MEF2C: variants seen among roughly 807,000 people sequenced by gnomAD.
The protein encoded by MEF2C is myocyte enhancer factor 2C.
In MEF2C, 6 loss-of-function variants were observed where a neutral mutation model predicts 50.5. That is an observed-to-expected ratio of 0.12 (90% CI 0.07 to 0.23). The LOEUF (loss-of-function observed/expected upper bound fraction) is 0.23, where lower values mean the gene tolerates loss of function less well. MEF2C is among the 10% of genes least tolerant of loss of function. The pLI is 1.00. For missense variants in MEF2C, 276 were observed against 605.0 expected (o/e 0.46, Z 5.70); for synonymous variants, 183 against 228.0 (o/e 0.80, Z 1.78).
At chr5:88,743,056 C>T (rs1767595478) in intron 6 of MEF2C, 4 of 973,458 alleles carry the variant, frequency 4.1e-6, no homozygotes, top group South Asian at 4.8e-5. Flanking sequence ...TAATTCAGAA[C>T]AATTCAAACT....
chr5:88,736,710 T>C (rs1764277680), intron 6 of MEF2C: 1 of 985,260 alleles, frequency 1.0e-6, no homozygotes, highest in South Asian at 4.7e-5. Flanking sequence ...TCCATCATGT[T>C]CCTTTTTCAT....
intron 2 of MEF2C, among the ~76,000 whole-genome samples, chr5:88,820,545 T>C (rs1260878354): frequency 1.3e-5 from 2 of 152,048 alleles, no homozygotes; most frequent in Non-Finnish European, 2.9e-5. Flanking sequence ...AGTCAGTATT[T>C]CTTTTTCTGG....
chr5:88,854,191 T>C lies in MEF2C; in HGVS notation c.-143+28764A>G, dbSNP rs183308144. On this transcript the variant is annotated intron_variant, in intron 1 of 10. Coordinates refer to ENST00000504921, the MANE Select transcript of MEF2C (RefSeq NM_002397.5). ...TTCTAAATCTCAGTTTTCTTCTCTG[T>C]GAAATATGTATTAGGATACAATAAA... 7.4e-4 allele frequency among the ~76,000 whole-genome samples: 113 copies of C among 152,310 alleles called. 2 individuals are homozygous for C. The highest frequency in any genetic ancestry group is 6.5e-3 in the Admixed American group (99 of 15,298).
chr5:88,800,389 G>A (rs1797863914), intron 3 of MEF2C, among the ~76,000 whole-genome samples: 1 of 152,296 alleles, frequency 6.6e-6, no homozygotes, highest in African/African-American at 2.4e-5. Context: ...TTCCCAAGCT[G>A]ATTTTTTGCA....
At chr5:88,725,683 C>T (rs1758393105) in intron 10 of MEF2C, among the ~76,000 whole-genome samples, 1 of 152,072 alleles carries the variant, frequency 6.6e-6, no homozygotes, top group South Asian at 2.1e-4. Context: ...TACCCTTTCC[C>T]ATAATTGTTC....
At chr5:88,794,627 C>G (rs1453633850) in intron 3 of MEF2C, among the ~76,000 whole-genome samples, 2 of 152,144 alleles carry the variant, frequency 1.3e-5, no homozygotes, top group Admixed American at 6.5e-5. Context: ...TTCTGCTGTG[C>G]AGAAGCTCTT....
At chr5:88,760,864 G>A in intron 4 of MEF2C, 1 of 1,054,354 alleles carries the variant, frequency 9.5e-7, no homozygotes, top group Non-Finnish European at 1.4e-6. Context: ...GCTGCCCGTG[G>A]GATGAGATGG....
intron 6 of MEF2C, chr5:88,735,518 G>C (rs1028548421): frequency 1.3e-5 from 13 of 981,168 alleles, no homozygotes; most frequent in Non-Finnish European, 1.6e-5. Flanking sequence ...ACCAACTTTA[G>C]AGTCAGTTTG....
At chr5:88,739,307 G>A in intron 6 of MEF2C, 1 of 983,954 alleles carries the variant, frequency 1.0e-6, no homozygotes, top group Non-Finnish European at 1.2e-6. Context: ...TCAATTTGCT[G>A]CTTTTACTTC....
chr5:88,722,784 G>A lies in MEF2C; in HGVS notation c.1242C>T (p.His414=), dbSNP rs1403721275. The A allele has an allele frequency of 3.1e-6, 5 of 1,614,004 alleles. No individual in the cohort carries two copies. Among genetic ancestry groups the A allele is most frequent in the South Asian group, 1.1e-5 (1 of 91,084 alleles). The part of the protein sequence containing the change: ...TPSRYPQHTR[H]EAGRSPVDSL... ...TGTCAACAGGAGATCTCCCCGCCTC[G>A]TGGCGCGTGTGTTGTGGGTATCTCG... is the stretch of plus-strand genomic sequence containing the variant. Residue 414 remains histidine, a synonymous_variant, in exon 11 of 11, where the codon CAC becomes CAT. Transcript: ENST00000504921.
intron 2 of MEF2C, among the ~76,000 whole-genome samples, chr5:88,813,368 C>T (rs566130862): frequency 6.6e-6 from 1 of 152,194 alleles, no homozygotes; most frequent in East Asian, 1.9e-4. Context: ...GTATCATTTC[C>T]TACAGGGTAG....
chr5:88,853,695 T>C (rs1324688157), intron 1 of MEF2C, among the ~76,000 whole-genome samples: 1 of 152,236 alleles, frequency 6.6e-6, no homozygotes, highest in East Asian at 1.9e-4. Flanking sequence ...TTAGCTTTTA[T>C]TAGATGTCCA....
chr5:88,723,181 C>T (rs1049961541), intron 10 of MEF2C, among the ~76,000 whole-genome samples: 1 of 152,186 alleles, frequency 6.6e-6, no homozygotes, highest in Non-Finnish European at 1.5e-5. Flanking sequence ...CTCCGAGAGG[C>T]TCCCTAAACA....
In MEF2C at chr5:88,731,884, G is replaced by C; in HGVS notation, c.655C>G (p.Pro219Ala). 1 of 1,612,604 alleles carries C rather than the reference G, an allele frequency of 6.2e-7. No individual in the cohort carries two copies. The highest frequency in any genetic ancestry group is 8.5e-7 in the Non-Finnish European group (1 of 1,179,088). The change falls in exon 7 of 11, where the codon CCC becomes GCC. Residue 219 changes from proline to alanine, a missense_variant. Transcript: ENST00000504921. Reference protein sequence around the residue: ...GTSAGNGYGNPRNSPGLLVSP... With the variant: ...GTSAGNGYGNARNSPGLLVSP... ...ACCAGCAGACCTGGTGAGTTTCGGG[G>C]ATTGCCATACCCGTTCCCTGTTAAC...
At chr5:88,767,823 C>A (rs1050922480) in intron 3 of MEF2C, among the ~76,000 whole-genome samples, 3 of 152,128 alleles carry the variant, frequency 2.0e-5, no homozygotes, top group African/African-American at 7.2e-5. Flanking sequence ...AAACATCCAC[C>A]AACTCTGTCT....
chr5:88,902,710 T>C (rs1835791191), intron 1 of MEF2C, among the ~76,000 whole-genome samples: 2 of 151,998 alleles, frequency 1.3e-5, no homozygotes, highest in African/African-American at 4.8e-5. Context: ...TATGGGATCA[T>C]CAGAATAAAA....
chr5:88,823,691 T>C (rs187982432), intron 2 of MEF2C, 44 bp downstream of exon 2: 54 of 1,512,444 alleles, frequency 3.6e-5, no homozygotes, highest in African/African-American at 5.5e-5. Flanking sequence ...GTGGAGAAAA[T>C]ATAATTAATA....
chr5:88,735,775 T>C, intron 6 of MEF2C: 5 of 985,418 alleles, frequency 5.1e-6, no homozygotes, highest in Non-Finnish European at 4.8e-6. Flanking sequence ...AAGTCGTAAA[T>C]TCAAAGAACA....
intron 3 of MEF2C, among the ~76,000 whole-genome samples, chr5:88,778,561 G>A (rs1277425517): frequency 2.0e-5 from 3 of 151,926 alleles, no homozygotes; most frequent in African/African-American, 7.3e-5. Flanking sequence ...GTTTCTCCCT[G>A]GGCAAAGCGA....
Sources: allele counts gnomAD v4.1 joint callset (sites outside exome capture counted in the v4.1 genomes callset), GRCh38; gene constraint gnomAD v4.1.1; transcripts MANE v1.5; gene names NCBI Gene and HGNC (gene_info 2026-07-23, HGNC 2026-07-21).